SLC41A1: variants seen among roughly 807,000 people sequenced by gnomAD.
SLC41A1 encodes the protein solute carrier family 41 (magnesium transporter), member 1.
SLC41A1 carries 20 observed loss-of-function variants against 47.3 expected under a neutral mutation model. The observed-to-expected ratio is 0.42, with a 90% confidence interval of 0.30 to 0.61. The LOEUF (loss-of-function observed/expected upper bound fraction) is 0.61, where lower values mean the gene tolerates loss of function less well. SLC41A1 is among the 20% of genes least tolerant of loss of function. The probability of loss-of-function intolerance (pLI) is 0.17; values close to 1 mark genes in which losing one functional copy is unlikely to be tolerated. For synonymous variants in SLC41A1, 282 were observed against 272.7 expected (o/e 1.03, Z -0.34); for missense variants, 504 against 674.1 (o/e 0.75, Z 2.79).
At chr1:205,807,517 A>G (rs1656039842) in intron 2 of SLC41A1, among the ~76,000 whole-genome samples, 1 of 152,130 alleles carries the variant, frequency 6.6e-6, no homozygotes, top group Admixed American at 6.5e-5. Context: ...TGTGGTGTGT[A>G]TGCGGGGGTC....
intron 10 of SLC41A1, among the ~76,000 whole-genome samples, chr1:205,792,432 T>G (rs1655646194): frequency 6.6e-6 from 1 of 152,236 alleles, no homozygotes; most frequent in African/African-American, 2.4e-5. Context: ...ACATTTGACA[T>G]GATCTGTGGC....
In SLC41A1 at chr1:205,810,488, G is replaced by A. The variant is rs1216760788; in HGVS notation, c.-47C>T. ...GGGAGAACTTTCCTCTCTTCTTTTTGCTTTCTCTCTTCTTCTCTAACTTGG... is the reference window on the plus strand; with the variant it reads ...GGGAGAACTTTCCTCTCTTCTTTTTACTTTCTCTCTTCTTCTCTAACTTGG... On this transcript the variant is annotated 5_prime_UTR_variant, in exon 2 of 11. Coordinates refer to ENST00000367137, the MANE Select transcript of SLC41A1 (RefSeq NM_173854.6). The surrounding 1 kb of genome is among the most constrained non-coding windows in gnomAD (Gnocchi z 5.5). 1 of 1,613,372 alleles carries A rather than the reference G, an allele frequency of 6.2e-7. No individual in the cohort carries two copies.
rs531801143 is a variant in SLC41A1 at position 205,798,893 on chromosome 1, A to C, written c.697+64T>G. ...CTCAACAAACAAAAAGAGAGAGTGG[A>C]AGTGCCAGGTGCAGTGTTCTCTGGG... On this transcript the variant is annotated intron_variant, in intron 5 of 10. Coordinates refer to ENST00000367137, the MANE Select transcript of SLC41A1 (RefSeq NM_173854.6). 4 of 1,614,152 alleles carry C rather than the reference A, an allele frequency of 2.5e-6. No individual in the cohort carries two copies. The African/African-American group carries it at 4.0e-5, about 16-fold the overall frequency.
rs901361577 is a variant in SLC41A1 at position 205,806,133 on chromosome 1, G to GGGC, written c.372+3934_372+3936dup. Among the ~76,000 whole-genome samples the GGGC allele has an allele frequency of 5.9e-5, 9 of 152,350 alleles. No individual in the cohort carries two copies. In the South Asian group the frequency reaches 1.9e-3, roughly 32 times the overall value. On this transcript the variant is annotated intron_variant, in intron 2 of 10. Coordinates refer to ENST00000367137, the MANE Select transcript of SLC41A1 (RefSeq NM_173854.6). ...AGGCATCCTCTAGGTGTCCAGGAAA[G>GGGC]GGCTTTAGGGCAACACCTGGATATA...
intron 2 of SLC41A1, among the ~76,000 whole-genome samples, chr1:205,807,705 G>T: frequency 7.0e-6 from 1 of 143,546 alleles, no homozygotes. Flanking sequence ...GCTGAGGCTG[G>T]AGTGCAGTGG....
At chr1:205,794,324 T>G (rs1024943417) in intron 10 of SLC41A1, among the ~76,000 whole-genome samples, 1 of 152,232 alleles carries the variant, frequency 6.6e-6, no homozygotes, top group Non-Finnish European at 1.5e-5. Flanking sequence ...TGAGAACTTC[T>G]TACAAATCTG....
In SLC41A1 at chr1:205,791,237, C is replaced by T. The variant is rs558731162; in HGVS notation, c.*296G>A. 1.2e-5 allele frequency: 5 copies of T among 431,582 alleles called. No homozygotes were observed. The highest frequency in any genetic ancestry group is 9.8e-5 in the East Asian group (2 of 20,360). The allele number at this position is 431,582 out of a possible 1,614,324, so 26.7% of individuals were successfully genotyped here. The stretch of plus-strand genomic sequence containing the variant: ...AAACCCCATGTCCCCAGATTCCAGA[C>T]AAAACTCCCCTGCTCCAGTCCACAT... On this transcript the variant is annotated 3_prime_UTR_variant, in exon 11 of 11. Coordinates refer to ENST00000367137, the MANE Select transcript of SLC41A1 (RefSeq NM_173854.6). The surrounding 1 kb of genome is among the most constrained non-coding windows in gnomAD (Gnocchi z 4.0).
chr1:205,794,894 G>A lies in SLC41A1; in HGVS notation c.1332C>T (p.Phe444=), dbSNP rs555286496. ...HTTLTLIFII[F]YMTAALLQVL... ...CCTGGAGCAGTGCAGCTGTCATATA[G>A]AAGATGATGAAGATGAGTGTGAGGG... Residue 444 remains phenylalanine (F), a synonymous_variant, in exon 10 of 11, where the codon TTC becomes TTT. Transcript: ENST00000367137. 3.1e-6 allele frequency: 5 copies of A among 1,614,046 alleles called. No homozygotes were observed. The African/African-American group carries it at 4.0e-5, about 13-fold the overall frequency.
Position 205,795,359 on chromosome 1 carries a change from T to A in SLC41A1, c.1192A>T (p.Thr398Ser), listed in dbSNP as rs1655722974. ...APRRCPSPCT[T>S]FFSPDVNSRS... Reference sequence around the variant, plus strand: ...CTGCCGTTACCAGGGCTGAAGAAGGTGGTACAAGGACTGGGACAGCGGCGA... The same window carrying A: ...CTGCCGTTACCAGGGCTGAAGAAGGAGGTACAAGGACTGGGACAGCGGCGA... Residue 398 changes from threonine to serine, a missense_variant, in exon 9 of 11, where the codon ACC (threonine) becomes TCC (serine). This residue lies in a region of SLC41A1 where 421 missense variants were observed against 601.6 expected (regional missense o/e 0.70). Transcript: ENST00000367137. 6.2e-7 allele frequency: 1 copy of A among 1,613,984 alleles called. No individual in the cohort carries two copies. Among genetic ancestry groups the A allele is most frequent in the African/African-American group, 1.3e-5 (1 of 74,884 alleles).
intron 2 of SLC41A1, among the ~76,000 whole-genome samples, chr1:205,802,664 G>A (rs1655912520): frequency 1.3e-5 from 2 of 151,044 alleles, no homozygotes; most frequent in African/African-American, 2.5e-5. Context: ...GTTGCAGTGA[G>A]CCAAGATCGC....
At chr1:205,799,194 G>A in intron 4 of SLC41A1, 93 bp from the exon 5 acceptor site, 1 of 1,551,208 alleles carries the variant, frequency 6.4e-7, no homozygotes, top group Non-Finnish European at 8.8e-7. Context: ...TTCCTGGCTG[G>A]CAGTAGCCCC....
At chr1:205,807,704 G>A (rs1432437686) in intron 2 of SLC41A1, among the ~76,000 whole-genome samples, 1 of 126,258 alleles carries the variant, frequency 7.9e-6, no homozygotes, top group East Asian at 2.4e-4. Context: ...TGCTGAGGCT[G>A]GAGTGCAGTG....
chr1:205,810,234 C>T lies in SLC41A1; in HGVS notation c.208G>A (p.Gly70Arg), dbSNP rs756959082. 6.8e-6 allele frequency: 11 copies of T among 1,614,100 alleles called. No homozygotes were observed. Among genetic ancestry groups the T allele is most frequent in the African/African-American group, 2.7e-5 (2 of 74,928 alleles). Residue 70 changes from glycine to arginine, a missense_variant, in exon 2 of 11, where the codon GGG (glycine) becomes AGG (arginine). Coordinates refer to ENST00000367137, the MANE Select transcript of SLC41A1 (RefSeq NM_173854.6). The surrounding 1 kb of genome is among the most constrained non-coding windows in gnomAD (Gnocchi z 5.5). ...TCGTCACTTTCGTTGCTCTGGCTCC[C>T]GTTCTCCAGCAGGGCGTCCTCCTCC... ...VREEDALLENGSQSNESDDVS... is the reference protein window; with the variant it reads ...VREEDALLENRSQSNESDDVS...
rs1393217050 is a variant in SLC41A1 at position 205,789,699 on chromosome 1, CAGA to C, written c.*1831_*1833del. ...TTCCAATTCTACGGTTCTATGATTC[CAGA>C]AGGAGGCCTGGAGGTCTGGGTAGAA... On this transcript the variant is annotated 3_prime_UTR_variant, in exon 11 of 11. Transcript: ENST00000367137. The C allele has an allele frequency of 5.9e-5, 9 of 152,146 alleles. No individual in the cohort carries two copies. Among genetic ancestry groups the C allele is most frequent in the African/African-American group, 2.2e-4 (9 of 41,420 alleles). The allele number at this position is 152,146 out of a possible 1,614,324, so 9.4% of individuals were successfully genotyped here.
rs1477782561 is a variant in SLC41A1, at chr1:205,810,454, G to C, written c.-13C>G. On this transcript the variant is annotated 5_prime_UTR_variant, in exon 2 of 11. Transcript: ENST00000367137. The surrounding 1 kb of genome is among the most constrained non-coding windows in gnomAD (Gnocchi z 5.5). ...GCTTAGAGGACATGACAGGCACGGA[G>C]GAGGGGAAGGGAGAACTTTCCTCTC... 9.9e-6 allele frequency: 16 copies of C among 1,614,066 alleles called. No individual in the cohort carries two copies. Among genetic ancestry groups the C allele is most frequent in the Admixed American group, 1.7e-5 (1 of 60,012 alleles).
In SLC41A1 at chr1:205,791,564, A is replaced by G. The variant is rs772023195; in HGVS notation, c.1511T>C (p.Ile504Thr). ...LALSFHVLWL[I>T]GDRDTDVGD ...CCCGACATCCGTGTCTCGGTCCCCTATGAGCCAGAGAACATGGAAGCTGAG... is the reference window on the plus strand; with the variant it reads ...CCCGACATCCGTGTCTCGGTCCCCTGTGAGCCAGAGAACATGGAAGCTGAG... The change falls in exon 11 of 11, where the codon ATA (isoleucine) becomes ACA (threonine). Residue 504 changes from isoleucine to threonine, a missense_variant. Transcript: ENST00000367137. The surrounding 1 kb of genome is among the most constrained non-coding windows in gnomAD (Gnocchi z 4.0). 8 of 1,614,174 alleles carry G rather than the reference A, an allele frequency of 5.0e-6. No homozygotes were observed. The highest frequency in any genetic ancestry group is 1.7e-5 in the Admixed American group (1 of 60,020).
chr1:205,804,787 C>T (rs1474155374), intron 2 of SLC41A1, among the ~76,000 whole-genome samples: 2 of 152,152 alleles, frequency 1.3e-5, no homozygotes, highest in Non-Finnish European at 2.9e-5. Flanking sequence ...CTCCACCCTG[C>T]TTCCAAGCTG....
Position 205,813,053 on chromosome 1 carries a change from G to A in SLC41A1, c.-892C>T. On this transcript the variant is annotated 5_prime_UTR_variant, in exon 1 of 11. Transcript: ENST00000367137. ...CCACGCGGGGGAGGTGGCCGGGGAG[G>A]GCAGGATATATCGCTTCGGGCCCGG... 1 of 985,604 alleles carries A rather than the reference G, an allele frequency of 1.0e-6. No individual in the cohort carries two copies. The highest frequency in any genetic ancestry group is 1.2e-6 in the Non-Finnish European group (1 of 830,048). 61.1% of individuals were successfully genotyped at this position (985,604 alleles called of 1,614,324 possible).
chr1:205,789,285 AGAAAT>A lies in SLC41A1; in HGVS notation c.*2243_*2247del, dbSNP rs1655558879. 1 of 152,250 alleles carries A rather than the reference AGAAAT, an allele frequency of 6.6e-6. No homozygotes were observed. The highest frequency in any genetic ancestry group is 2.4e-5 in the African/African-American group (1 of 41,464). The allele number at this position is 152,250 out of a possible 1,614,324, so 9.4% of individuals were successfully genotyped here. ...CATGCAGTTGGTACAATCGGGGAAA[AGAAAT>A]GAAACTTCCATGAAAGTCACCTTCA... On this transcript the variant is annotated 3_prime_UTR_variant, in exon 11 of 11. Coordinates refer to ENST00000367137, the MANE Select transcript of SLC41A1 (RefSeq NM_173854.6).
Sources: allele counts gnomAD v4.1 joint callset (sites outside exome capture counted in the v4.1 genomes callset), GRCh38; gene constraint gnomAD v4.1.1; regional missense constraint gnomAD v4.1.1; non-coding constraint Gnocchi (gnomAD v3.1); transcripts MANE v1.5; gene names NCBI Gene and HGNC (gene_info 2026-07-23, HGNC 2026-07-21).